The following MCCD1 variants were observed in gnomAD, a reference collection of about 807,000 sequenced individuals.
MCCD1 encodes the protein mitochondrial coiled-coil domain protein 1.
A neutral mutation model predicts 5.6 loss-of-function variants in MCCD1; 5 were observed. The observed-to-expected ratio is 0.89, with a 90% CI of 0.46 to 1.87. MCCD1 has a LOEUF of 1.87. MCCD1 is among the 40% of genes most tolerant of loss of function. The pLI is 0.01. For missense variants in MCCD1, 178 were observed against 141.8 expected (o/e 1.26, Z -1.30); for synonymous variants, 70 against 57.3 (o/e 1.22, Z -1.00).
rs3214307 is a variant in MCCD1 at position 31,529,241 on chromosome 6, G to GAA, written c.171+64_171+65dup. On this transcript the variant is annotated intron_variant, in intron 1 of 1. Transcript: ENST00000376191. ...TGTGAGAATTTACACTGGGGTGTGG[G>GAA]AAAAAAAAACCCTCAATCCCACCCT... 76 of 1,527,772 alleles carry GAA rather than the reference G, an allele frequency of 5.0e-5. No homozygotes were observed. In the East Asian group the frequency reaches 5.6e-4, roughly 11 times the overall value. 94.6% of individuals were successfully genotyped at this position (1,527,772 alleles called of 1,614,324 possible). A position where few individuals can be genotyped will look rare whatever the true frequency, so the allele number is the denominator to read the frequency against.
chr6:31,529,867 G>C lies in MCCD1; in HGVS notation c.292G>C (p.Val98Leu), dbSNP rs934207192. 1.8e-5 allele frequency: 29 copies of C among 1,574,792 alleles called. No individual in the cohort carries two copies. Among genetic ancestry groups the C allele is most frequent in the South Asian group, 4.7e-5 (4 of 85,942 alleles). Reference protein sequence around the residue: ...QEGAWEAQALVLKIQKLKEQM... With the variant: ...QEGAWEAQALLLKIQKLKEQM... ...GGGAGCCTGGGAGGCCCAAGCCCTG[G>C]TGCTCAAGATCCAGAAGCTGAAGGA... is the stretch of plus-strand genomic sequence containing the variant. Residue 98 changes from valine to leucine, a missense_variant, in exon 2 of 2, where the codon GTG becomes CTG. Transcript: ENST00000376191.
rs1383920526 is a variant in MCCD1 at position 31,530,084 on chromosome 6, G to A, written c.*149G>A. ...CGCAGGCAATTGGCAGGCAGTGGGGGAGCCAGGGCTCTGCAGTCTTAGTCC... is the reference window on the plus strand; with the variant it reads ...CGCAGGCAATTGGCAGGCAGTGGGGAAGCCAGGGCTCTGCAGTCTTAGTCC... On this transcript the variant is annotated 3_prime_UTR_variant, in exon 2 of 2. Coordinates refer to ENST00000376191, the MANE Select transcript of MCCD1 (RefSeq NM_001011700.3). This position sits in a 1 kb window ranked among gnomAD's most constrained non-coding sequence, Gnocchi z 4.5. 29 of 1,375,804 alleles carry A rather than the reference G, an allele frequency of 2.1e-5. No individual in the cohort carries two copies. The highest frequency in any genetic ancestry group is 2.6e-5 in the Non-Finnish European group (27 of 1,044,884). The allele number at this position is 1,375,804 out of a possible 1,614,324, so 85.2% of individuals were successfully genotyped here. A position where few individuals can be genotyped will look rare whatever the true frequency, so the allele number is the denominator to read the frequency against.
In MCCD1 at chr6:31,529,967, G is replaced by A. The variant is rs3093979; in HGVS notation, c.*32G>A. 1,208,098 of 1,463,090 alleles carry A rather than the reference G, an allele frequency of 0.83. 500,232 individuals carry two copies. The highest frequency in any genetic ancestry group is 0.93 in the South Asian group (67,901 of 73,272). The allele number at this position is 1,463,090 out of a possible 1,614,324, so 90.6% of individuals were successfully genotyped here. A position where few individuals can be genotyped will look rare whatever the true frequency, so the allele number is the denominator to read the frequency against. ...CCCAGTGCCCACAGCACCCTCCGGCGCTGAAAATACACGCACCACCCACCA... is the reference window on the plus strand; with the variant it reads ...CCCAGTGCCCACAGCACCCTCCGGCACTGAAAATACACGCACCACCCACCA... On this transcript the variant is annotated 3_prime_UTR_variant, in exon 2 of 2. Transcript: ENST00000376191.
chr6:31,529,611 G>A (rs1053161367), intron 1 of MCCD1, 136 bp from the exon 2 acceptor site: 2 of 1,111,778 alleles, frequency 1.8e-6, no homozygotes, highest in Non-Finnish European at 2.4e-6. Context: ...CTCAGTACAG[G>A]TGTCCTTAAA....
In MCCD1 at chr6:31,530,071, G is replaced by A. The variant is rs1330394996; in HGVS notation, c.*136G>A. 18 of 1,402,932 alleles carry A rather than the reference G, an allele frequency of 1.3e-5. No individual in the cohort carries two copies. The highest frequency in any genetic ancestry group is 4.7e-6 in the Non-Finnish European group (5 of 1,069,658). The allele number at this position is 1,402,932 out of a possible 1,614,324, so 86.9% of individuals were successfully genotyped here. A position where few individuals can be genotyped will look rare whatever the true frequency, so the allele number is the denominator to read the frequency against. On this transcript the variant is annotated 3_prime_UTR_variant, in exon 2 of 2. Transcript: ENST00000376191. The surrounding 1 kb of genome is among the most constrained non-coding windows in gnomAD (Gnocchi z 4.5). ...AGAGACCACAAAGCGCAGGCAATTG[G>A]CAGGCAGTGGGGGAGCCAGGGCTCT... is the stretch of plus-strand genomic sequence containing the variant.
Position 31,530,083 on chromosome 6 carries a change from G to T in MCCD1, c.*148G>T. Reference sequence around the variant, plus strand: ...GCGCAGGCAATTGGCAGGCAGTGGGGGAGCCAGGGCTCTGCAGTCTTAGTC... The same window carrying T: ...GCGCAGGCAATTGGCAGGCAGTGGGTGAGCCAGGGCTCTGCAGTCTTAGTC... On this transcript the variant is annotated 3_prime_UTR_variant, in exon 2 of 2. Transcript: ENST00000376191. The surrounding 1 kb of genome is among the most constrained non-coding windows in gnomAD (Gnocchi z 4.5). 2 of 1,378,844 alleles carry T rather than the reference G, an allele frequency of 1.5e-6. No individual in the cohort carries two copies. The highest frequency in any genetic ancestry group is 2.9e-5 in the African/African-American group (2 of 68,154). 85.4% of individuals were successfully genotyped at this position (1,378,844 alleles called of 1,614,324 possible).
At chr6:31,529,277 A>G in intron 1 of MCCD1, 92 bp downstream of exon 1, 2 of 1,298,078 alleles carry the variant, frequency 1.5e-6, no homozygotes, top group Non-Finnish European at 2.1e-6. Context: ...GCACCACCCC[A>G]CACCATGCCT....
At chr6:31,529,630 T>C in intron 1 of MCCD1, 117 bp from the exon 2 acceptor site, 1 of 1,260,606 alleles carries the variant, frequency 7.9e-7, no homozygotes, top group Non-Finnish European at 1.0e-6. Context: ...AACGACCGGT[T>C]CAAAAACGAA....
In MCCD1 at chr6:31,529,203, T is replaced by G; in HGVS notation, c.171+18T>G. ...CTCCCAGGGTAAGTGGCACCACAGGTAGGAACAGAGGGTGTGAGAATTTAC... is the reference window on the plus strand; with the variant it reads ...CTCCCAGGGTAAGTGGCACCACAGGGAGGAACAGAGGGTGTGAGAATTTAC... On this transcript the variant is annotated intron_variant, in intron 1 of 1. Transcript: ENST00000376191. The G allele has an allele frequency of 1.2e-6, 2 of 1,610,042 alleles. No individual in the cohort carries two copies. The highest frequency in any genetic ancestry group is 1.7e-6 in the Non-Finnish European group (2 of 1,178,512).
At position 31,529,819 on chromosome 6, in the gene MCCD1, C is replaced by T. The variant is rs1287584311; in HGVS notation, c.244C>T (p.Gln82Ter). Residue 82 changes from glutamine (Q) to a stop codon, truncating the protein, a stop_gained, in exon 2 of 2, where the codon CAG becomes TAG. Transcript: ENST00000376191. LOFTEE classifies it low-confidence loss of function (END_TRUNC). ...GTTGGAGCAGCAGCTGGAGCTGTAC[C>T]AGGCCCTCCTTGAAGGGCAGGAGGG... ...ELLEQQLELY[Q>*]ALLEGQEGAW... 1.4e-5 allele frequency: 23 copies of T among 1,600,766 alleles called. No homozygotes were observed. The highest frequency in any genetic ancestry group is 2.0e-5 in the Non-Finnish European group (23 of 1,174,744).
At position 31,529,973 on chromosome 6, in the gene MCCD1, AAT is replaced by A; in HGVS notation, c.*40_*41del. 1 of 1,449,150 alleles carries A rather than the reference AAT, an allele frequency of 6.9e-7. No homozygotes were observed. Among genetic ancestry groups the A allele is most frequent in the South Asian group, 1.4e-5 (1 of 70,342 alleles). The allele number at this position is 1,449,150 out of a possible 1,614,324, so 89.8% of individuals were successfully genotyped here. On this transcript the variant is annotated 3_prime_UTR_variant, in exon 2 of 2. Transcript: ENST00000376191. ...GCCCACAGCACCCTCCGGCGCTGAA[AAT>A]ACACGCACCACCCACCAGGAGCCTT...
intron 1 of MCCD1, 41 bp from the exon 2 acceptor site, chr6:31,529,706 C>G: frequency 7.1e-7 from 1 of 1,412,788 alleles, no homozygotes; most frequent in Non-Finnish European, 9.3e-7. Context: ...GCCTCAGCCC[C>G]CTGCCCTGGC....
Position 31,529,143 on chromosome 6 carries a change from G to C in MCCD1, c.129G>C (p.Gln43His). Reference protein sequence around the residue: ...SQNPKASMEEQTSSRGNGKMT... With the variant: ...SQNPKASMEEHTSSRGNGKMT... ...ACCCCAAAGCAAGCATGGAAGAGCA[G>C]ACCAGCTCCAGAGGAAATGGGAAGA... The change falls in exon 1 of 2, where the codon CAG becomes CAC. Residue 43 changes from glutamine to histidine, a missense_variant. Physicochemically the swap from Gln to His is conservative, Grantham distance 24. Transcript: ENST00000376191. The C allele has an allele frequency of 6.2e-7, 1 of 1,612,718 alleles. No individual in the cohort carries two copies.
chr6:31,529,923 A>T lies in MCCD1; in HGVS notation c.348A>T (p.Gly116=), dbSNP rs1420185855. The T allele has an allele frequency of 6.5e-7, 1 of 1,527,990 alleles. No homozygotes were observed. Among genetic ancestry groups the T allele is most frequent in the Admixed American group, 2.1e-5 (1 of 48,342 alleles). The allele number at this position is 1,527,990 out of a possible 1,614,324, so 94.7% of individuals were successfully genotyped here. A position where few individuals can be genotyped will look rare whatever the true frequency, so the allele number is the denominator to read the frequency against. ...TGAGGAGGCACCAAGAGAGCCTTGG[A>T]GGAGGCGCCTAAGTTTCCCCCAGTG... The part of the protein sequence containing the change: ...EQMRRHQESL[G]GGA Residue 116 remains glycine, a synonymous_variant, in exon 2 of 2, where the codon GGA becomes GGT. Coordinates refer to ENST00000376191, the MANE Select transcript of MCCD1 (RefSeq NM_001011700.3).
chr6:31,529,214 GGT>G (rs1562397292), intron 1 of MCCD1, 29 bp downstream of exon 1: 2 of 1,603,646 alleles, frequency 1.2e-6, no homozygotes, highest in South Asian at 1.1e-5. Context: ...AGGAACAGAG[GGT>G]GTGAGAATTT....
At position 31,529,123 on chromosome 6, in the gene MCCD1, A is replaced by C; in HGVS notation, c.109A>C (p.Lys37Gln). The change falls in exon 1 of 2, where the codon AAA (lysine) becomes CAA (glutamine). Residue 37 changes from lysine (K) to glutamine (Q), a missense_variant. Physicochemically the swap from Lys to Gln is moderately conservative, Grantham distance 53. Transcript: ENST00000376191. ...GSHGCCSQNP[K>Q]ASMEEQTSSR... ...CCATGGGTGCTGCTCCCAAAACCCC[A>C]AAGCAAGCATGGAAGAGCAGACCAG... is the stretch of plus-strand genomic sequence containing the variant. The C allele has an allele frequency of 6.2e-7, 1 of 1,612,700 alleles. No individual in the cohort carries two copies. Among genetic ancestry groups the C allele is most frequent in the Non-Finnish European group, 8.5e-7 (1 of 1,179,864 alleles).
In MCCD1 at chr6:31,530,133, G is replaced by A. The variant is rs934064171; in HGVS notation, c.*198G>A. 1.1e-5 allele frequency: 12 copies of A among 1,132,886 alleles called. No individual in the cohort carries two copies. The South Asian group carries it at 1.5e-4, about 14-fold the overall frequency. The allele number at this position is 1,132,886 out of a possible 1,614,324, so 70.2% of individuals were successfully genotyped here. On this transcript the variant is annotated 3_prime_UTR_variant, in exon 2 of 2. Transcript: ENST00000376191. This position sits in a 1 kb window ranked among gnomAD's most constrained non-coding sequence, Gnocchi z 4.5. ...CCCATTCCCCTTTGATCTCACAGCA[G>A]GCAGGGCACCCAGGCCTTATAGGAA...
In MCCD1 at chr6:31,529,781, G is replaced by A. The variant is rs142961301; in HGVS notation, c.206G>A (p.Arg69Gln). 39 of 1,564,796 alleles carry A rather than the reference G, an allele frequency of 2.5e-5. No individual in the cohort carries two copies. In the Admixed American group the frequency reaches 2.5e-4, roughly 10 times the overall value. The change falls in exon 2 of 2, where the codon CGA (arginine) becomes CAA (glutamine). Residue 69 changes from arginine (R) to glutamine (Q), a missense_variant. Physicochemically the swap from Arg to Gln is conservative, Grantham distance 43. Transcript: ENST00000376191. ...ACCCACCGCACAGCTGAGCTGGCCC[G>A]AGCTGAAGAGTTGTTGGAGCAGCAG... is the stretch of plus-strand genomic sequence containing the variant. ...PGTHRTAELA[R>Q]AEELLEQQLE...
rs1241447527 is a variant in MCCD1 at position 31,530,194 on chromosome 6, C to G, written c.*259C>G. On this transcript the variant is annotated 3_prime_UTR_variant, in exon 2 of 2. Coordinates refer to ENST00000376191, the MANE Select transcript of MCCD1 (RefSeq NM_001011700.3). This position sits in a 1 kb window ranked among gnomAD's most constrained non-coding sequence, Gnocchi z 4.5. ...ACCATGCCCTAAAATAACCTCACCCCAAATACAATAAAGGGACGAAGCACT... is the reference window on the plus strand; with the variant it reads ...ACCATGCCCTAAAATAACCTCACCCGAAATACAATAAAGGGACGAAGCACT... The G allele has an allele frequency of 1.3e-6, 1 of 796,104 alleles. No individual in the cohort carries two copies. The highest frequency in any genetic ancestry group is 2.0e-5 in the South Asian group (1 of 50,794). The allele number at this position is 796,104 out of a possible 1,614,324, so 49.3% of individuals were successfully genotyped here. A position where few individuals can be genotyped will look rare whatever the true frequency, so the allele number is the denominator to read the frequency against.
Sources: allele counts gnomAD v4.1 joint callset, GRCh38; gene constraint gnomAD v4.1.1; non-coding constraint Gnocchi (gnomAD v3.1); transcripts MANE v1.5; gene names NCBI Gene and HGNC (gene_info 2026-07-23, HGNC 2026-07-21).